The following TLL2 variants were observed in gnomAD, a reference collection of about 807,000 sequenced individuals.
The protein encoded by TLL2 is tolloid-like protein 2.
TLL2 carries 106 observed loss-of-function variants against 123.0 expected under a neutral mutation model. That is an observed-to-expected ratio of 0.86 (90% confidence interval 0.74 to 1.01). The LOEUF is 1.01. Among genes scored for constraint, TLL2 ranks in the 50% least tolerant of loss-of-function variants. The probability of loss-of-function intolerance (pLI) is 0.00; values close to 1 mark genes in which losing one functional copy is unlikely to be tolerated. For missense variants in TLL2, 1,332 were observed against 1,336.7 expected (o/e 1.00, Z 0.06); for synonymous variants, 494 against 516.8 (o/e 0.96, Z 0.60).
intron 2 of TLL2, among the ~76,000 whole-genome samples, chr10:96,471,444 T>C (rs868635915): frequency 6.6e-6 from 1 of 152,190 alleles, no homozygotes; most frequent in Middle Eastern, 3.4e-3. Context: ...AGTACTAAAA[T>C]GAAGAATTCC....
intron 10 of TLL2, among the ~76,000 whole-genome samples, chr10:96,404,995 C>T (rs1462131475): frequency 3.3e-5 from 5 of 152,216 alleles, no homozygotes; most frequent in African/African-American, 1.2e-4. Context: ...GCTTTGCACA[C>T]TTCCTTAATT....
chr10:96,414,802 G>A (rs1157824292), intron 7 of TLL2, among the ~76,000 whole-genome samples: 6 of 151,988 alleles, frequency 3.9e-5, no homozygotes, highest in Non-Finnish European at 8.8e-5. Context: ...TGAATCTGAG[G>A]GCATTCTCAG....
chr10:96,397,393 G>A (rs879144541), intron 10 of TLL2, 91 bp from the exon 11 acceptor site: 2 of 908,610 alleles, frequency 2.2e-6, no homozygotes, highest in Non-Finnish European at 3.4e-6. Context: ...TTCTTCACAC[G>A]TGGTTTGAAG....
At chr10:96,398,103 G>A (rs1459535370) in intron 10 of TLL2, among the ~76,000 whole-genome samples, 1 of 152,186 alleles carries the variant, frequency 6.6e-6, no homozygotes, top group Non-Finnish European at 1.5e-5. Context: ...CCTGAGACAG[G>A]CATGCAGAGC....
intron 2 of TLL2, among the ~76,000 whole-genome samples, chr10:96,476,191 A>T (rs6584078): frequency 7.5e-6 from 1 of 134,122 alleles, no homozygotes; most frequent in East Asian, 2.4e-4. Context: ...GGAAAAGAGG[A>T]TAAAGGTGTG....
In TLL2 at chr10:96,422,543, C is replaced by A; in HGVS notation, c.817+6G>T. ...TGCCTTCCAGACTCCACACAGGCCT[C>A]CTTACCTGGCTGGATGTTTTCCCTG... On this transcript the variant is annotated splice_donor_region_variant and intron_variant, in intron 6 of 20. Coordinates refer to ENST00000357947, the MANE Select transcript of TLL2 (RefSeq NM_012465.4). The A allele has an allele frequency of 6.2e-7, 1 of 1,613,998 alleles. No homozygotes were observed. Among genetic ancestry groups the A allele is most frequent in the Non-Finnish European group, 8.5e-7 (1 of 1,179,982 alleles).
intron 1 of TLL2, among the ~76,000 whole-genome samples, chr10:96,489,973 G>A (rs1847395357): frequency 1.3e-5 from 2 of 152,054 alleles, no homozygotes; most frequent in African/African-American, 2.4e-5. Context: ...GTGCGCGCCT[G>A]TAGTCCCAGC....
chr10:96,419,884 A>T lies in TLL2; in HGVS notation c.923+1072T>A, dbSNP rs79466802. Among the ~76,000 whole-genome samples the T allele has an allele frequency of 5.2e-3, 795 of 152,236 alleles. 9 individuals carry two copies. Among genetic ancestry groups the T allele is most frequent in the African/African-American group, 0.018 (742 of 41,536 alleles). The stretch of plus-strand genomic sequence containing the variant: ...ATGGACATGGAGACTCATGGAATGG[A>T]TTATTTCCCTCTTTGCTGTGACTGC... On this transcript the variant is annotated intron_variant, in intron 7 of 20. Coordinates refer to ENST00000357947, the MANE Select transcript of TLL2 (RefSeq NM_012465.4).
intron 10 of TLL2, among the ~76,000 whole-genome samples, chr10:96,403,528 A>G (rs1481721795): frequency 6.6e-6 from 1 of 152,220 alleles, no homozygotes; most frequent in Non-Finnish European, 1.5e-5. Flanking sequence ...GTTTACAAGC[A>G]GTATACTTGG....
intron 2 of TLL2, among the ~76,000 whole-genome samples, chr10:96,478,480 G>A (rs1452666989): frequency 2.0e-5 from 3 of 152,138 alleles, no homozygotes; most frequent in Non-Finnish European, 4.4e-5. Context: ...CCCCACTCCT[G>A]GGCACAGGCC....
intron 9 of TLL2, among the ~76,000 whole-genome samples, chr10:96,408,895 C>T (rs1589414984): frequency 6.6e-6 from 1 of 152,142 alleles, no homozygotes; most frequent in Non-Finnish European, 1.5e-5. Context: ...CAATTCCTTA[C>T]CTGTAAATAA....
chr10:96,395,471 A>G, intron 12 of TLL2, 89 bp from the exon 13 acceptor site: 2 of 1,365,754 alleles, frequency 1.5e-6, no homozygotes, highest in Non-Finnish European at 1.9e-6. Context: ...ATCACTCTCA[A>G]AATCTAACCA....
At chr10:96,474,550 C>A (rs545030684) in intron 2 of TLL2, among the ~76,000 whole-genome samples, 17 of 152,276 alleles carry the variant, frequency 1.1e-4, no homozygotes, top group Middle Eastern at 3.4e-3. Context: ...TGGGGGCCTG[C>A]ACAGGCACAT....
intron 1 of TLL2, among the ~76,000 whole-genome samples, chr10:96,511,681 C>G (rs1196025575): frequency 1.3e-5 from 2 of 152,244 alleles, no homozygotes; most frequent in South Asian, 4.1e-4. Context: ...AGCTGGCATG[C>G]CTCTTTCACA....
chr10:96,455,911 A>G (rs1370610870), intron 2 of TLL2, among the ~76,000 whole-genome samples: 1 of 152,236 alleles, frequency 6.6e-6, no homozygotes. Flanking sequence ...CCTTTCCAGT[A>G]ACATAATGGC....
chr10:96,428,641 TG>T lies in TLL2; in HGVS notation c.627del (p.Tyr209Ter). 1 of 1,612,570 alleles carries T rather than the reference TG, an allele frequency of 6.2e-7. No individual in the cohort carries two copies. Among genetic ancestry groups the T allele is most frequent in the Non-Finnish European group, 8.5e-7 (1 of 1,178,712 alleles). ...TDEESFIVFS[Y>X]RTCGCCSYVG... is the part of the protein sequence containing the mutation. ...CTTTCGTTTACTTACCCACAGGTTC[TG>T]TAACTGAATACAATAAAGCTTTCCT... is the stretch of plus-strand genomic sequence containing the variant. On this transcript the variant is annotated frameshift_variant, in exon 5 of 21. Coordinates refer to ENST00000357947, the MANE Select transcript of TLL2 (RefSeq NM_012465.4). LOFTEE classifies it high-confidence loss of function.
At chr10:96,468,114 C>T (rs1172019976) in intron 2 of TLL2, among the ~76,000 whole-genome samples, 2 of 152,174 alleles carry the variant, frequency 1.3e-5, no homozygotes, top group African/African-American at 2.4e-5. Context: ...AAACCAGAAG[C>T]TTCTCCCTCA....
intron 2 of TLL2, among the ~76,000 whole-genome samples, chr10:96,450,049 T>G (rs1427697430): frequency 6.6e-6 from 1 of 152,208 alleles, no homozygotes; most frequent in Non-Finnish European, 1.5e-5. Flanking sequence ...GATTTTGTTA[T>G]GTCTAACAAT....
rs141062888 is a variant in TLL2, at chr10:96,386,108, C to T, written c.1960G>A (p.Ala654Thr). ...AACTGAAGGGAGATCCGGTACTGAGCGGGGGCCACCACCTGCCAGACACAG... is the reference window on the plus strand; with the variant it reads ...AACTGAAGGGAGATCCGGTACTGAGTGGGGGCCACCACCTGCCAGACACAG... ...KNCVWQVVAP[A>T]QYRISLQFEV... is the part of the protein sequence containing the mutation. The change falls in exon 15 of 21, where the codon GCT becomes ACT. Residue 654 changes from alanine (A) to threonine (T), a missense_variant. By Grantham distance (58) the Ala-to-Thr change is moderately conservative. Coordinates refer to ENST00000357947, the MANE Select transcript of TLL2 (RefSeq NM_012465.4). 23 of 1,612,212 alleles carry T rather than the reference C, an allele frequency of 1.4e-5. No individual in the cohort carries two copies. In the East Asian group the frequency reaches 2.5e-4, roughly 17 times the overall value.
Sources: allele counts gnomAD v4.1 joint callset (sites outside exome capture counted in the v4.1 genomes callset), GRCh38; gene constraint gnomAD v4.1.1; transcripts MANE v1.5; gene names NCBI Gene and HGNC (gene_info 2026-07-23, HGNC 2026-07-21).